ZBTB8A: variants seen among roughly 807,000 people sequenced by gnomAD.
ZBTB8A encodes the protein zinc finger and BTB domain-containing protein 8A.
Under a neutral mutation model 37.8 loss-of-function variants are expected in ZBTB8A, and 19 were observed. That is an observed-to-expected ratio of 0.50 (90% CI 0.35 to 0.74). The LOEUF is 0.74. Ranked by LOEUF, ZBTB8A falls within the 30% of genes least tolerant of loss-of-function variation. ZBTB8A has a pLI of 0.01. For missense variants in ZBTB8A, 394 were observed against 537.8 expected (o/e 0.73, Z 2.65); for synonymous variants, 181 against 185.2 (o/e 0.98, Z 0.19).
chr1:32,591,424 G>T (rs1165450835), intron 2 of ZBTB8A, among the ~76,000 whole-genome samples: 2 of 151,912 alleles, frequency 1.3e-5, no homozygotes, highest in Non-Finnish European at 2.9e-5. Flanking sequence ...TTGCTATGTT[G>T]AACAGGCTGG....
chr1:32,587,478 A>G (rs1165898781), intron 2 of ZBTB8A, among the ~76,000 whole-genome samples: 1 of 150,472 alleles, frequency 6.6e-6, no homozygotes, highest in Non-Finnish European at 1.5e-5. Flanking sequence ...ATGGTTTTGC[A>G]CATGTTAAGA....
intron 2 of ZBTB8A, 133 bp from the exon 3 acceptor site, chr1:32,592,796 CTG>C (rs1261736680): frequency 4.2e-6 from 3 of 718,964 alleles, no homozygotes; most frequent in East Asian, 2.7e-5. Context: ...GAGTGAGCCA[CTG>C]TGCCCAGCCA....
At chr1:32,568,096 C>T (rs1386778414) in intron 2 of ZBTB8A, among the ~76,000 whole-genome samples, 2 of 151,802 alleles carry the variant, frequency 1.3e-5, no homozygotes, top group African/African-American at 4.8e-5. Context: ...TTGTAGTGAG[C>T]GGAGATCATG....
chr1:32,563,459 C>CTTTCTTTTT (rs944868184), intron 2 of ZBTB8A, among the ~76,000 whole-genome samples: 6 of 152,006 alleles, frequency 3.9e-5, no homozygotes, highest in Non-Finnish European at 1.5e-5. Flanking sequence ...TTTTCTTTTT[C>CTTTCTTTTT]TTTCTTTTTT....
Position 32,602,692 on chromosome 1 carries a change from C to A in ZBTB8A, c.*2273C>A, listed in dbSNP as rs1644586422. On this transcript the variant is annotated 3_prime_UTR_variant, in exon 5 of 5. Transcript: ENST00000373510. Reference sequence around the variant, plus strand: ...CAGCCTCCCGAGTAGCTGGGACTTACAGGCGCCCACCACCACTCCCAGCTA... The same window carrying A: ...CAGCCTCCCGAGTAGCTGGGACTTAAAGGCGCCCACCACCACTCCCAGCTA... The A allele has an allele frequency of 1.3e-5, 2 of 151,864 alleles. No homozygotes were observed. The highest frequency in any genetic ancestry group is 1.3e-4 in the Admixed American group (2 of 15,234). The allele number at this position is 151,864 out of a possible 1,614,324, so 9.4% of individuals were successfully genotyped here.
At position 32,539,506 on chromosome 1, in the gene ZBTB8A, C is replaced by T. The variant is rs1405346203; in HGVS notation, c.-150C>T. On this transcript the variant is annotated 5_prime_UTR_variant, in exon 1 of 5. Coordinates refer to ENST00000373510, the MANE Select transcript of ZBTB8A (RefSeq NM_001040441.3). ...GAACGGCCTCGAAAGGGGGTCCTTCCCCAGCCGAGAACCAGGAATCTTCCC... is the reference window on the plus strand; with the variant it reads ...GAACGGCCTCGAAAGGGGGTCCTTCTCCAGCCGAGAACCAGGAATCTTCCC... 4 of 152,114 alleles carry T rather than the reference C, an allele frequency of 2.6e-5. No individual in the cohort carries two copies. The highest frequency in any genetic ancestry group is 4.4e-5 in the Non-Finnish European group (3 of 67,878). The allele number at this position is 152,114 out of a possible 1,614,324, so 9.4% of individuals were successfully genotyped here. A position where few individuals can be genotyped will look rare whatever the true frequency, so the allele number is the denominator to read the frequency against.
chr1:32,542,799 A>AT (rs2148209391), intron 1 of ZBTB8A, among the ~76,000 whole-genome samples: 2 of 152,324 alleles, frequency 1.3e-5, no homozygotes, highest in African/African-American at 4.8e-5. Flanking sequence ...CTATTATAAT[A>AT]TTTAACTCTT....
intron 2 of ZBTB8A, among the ~76,000 whole-genome samples, chr1:32,583,956 C>T (rs143449825): frequency 0.013 from 2,003 of 152,196 alleles, 22 homozygotes; most frequent in Middle Eastern, 0.027. Flanking sequence ...GTTGAGCTTA[C>T]CATGGTGACC....
At chr1:32,569,386 CTTTTTT>C (rs563715372) in intron 2 of ZBTB8A, among the ~76,000 whole-genome samples, 6 of 82,306 alleles carry the variant, frequency 7.3e-5, no homozygotes, top group Admixed American at 1.6e-4. Context: ...TTTTCCTTTC[CTTTTTT>C]TTTTTTTTTT....
chr1:32,551,851 G>T (rs979567804), intron 1 of ZBTB8A, among the ~76,000 whole-genome samples: 1 of 152,102 alleles, frequency 6.6e-6, no homozygotes, highest in Non-Finnish European at 1.5e-5. Context: ...GGGATTACAG[G>T]CATGAGCCAC....
chr1:32,575,380 C>A (rs912629612), intron 2 of ZBTB8A, among the ~76,000 whole-genome samples: 1 of 151,696 alleles, frequency 6.6e-6, no homozygotes, highest in Non-Finnish European at 1.5e-5. Context: ...GTGCTTGCCA[C>A]CACACCTGGC....
At chr1:32,597,638 A>G (rs1466373202) in intron 4 of ZBTB8A, among the ~76,000 whole-genome samples, 1 of 152,180 alleles carries the variant, frequency 6.6e-6, no homozygotes, top group Non-Finnish European at 1.5e-5. Context: ...TTTCTTTTAC[A>G]CTATTTCAGT....
At chr1:32,565,513 G>A (rs1312631374) in intron 2 of ZBTB8A, among the ~76,000 whole-genome samples, 1 of 151,770 alleles carries the variant, frequency 6.6e-6, no homozygotes, top group Non-Finnish European at 1.5e-5. Flanking sequence ...AAATTAGCTG[G>A]GCGTGGTGGC....
intron 2 of ZBTB8A, among the ~76,000 whole-genome samples, chr1:32,582,340 C>T (rs1459620666): frequency 1.3e-5 from 2 of 152,076 alleles, no homozygotes; most frequent in Non-Finnish European, 2.9e-5. Flanking sequence ...TGGTCCCAAG[C>T]ATTTTGGATA....
chr1:32,541,793 A>G (rs1033240219), intron 1 of ZBTB8A, among the ~76,000 whole-genome samples: 5 of 152,120 alleles, frequency 3.3e-5, no homozygotes, highest in African/African-American at 1.2e-4. Context: ...CACTAATTCC[A>G]TCCATGAGGG....
intron 2 of ZBTB8A, among the ~76,000 whole-genome samples, chr1:32,562,989 T>G (rs1414805542): frequency 6.6e-6 from 1 of 152,218 alleles, no homozygotes; most frequent in Non-Finnish European, 1.5e-5. Context: ...AGTTATATAC[T>G]GCATTTGGGA....
chr1:32,543,474 T>C (rs953486763), intron 1 of ZBTB8A, among the ~76,000 whole-genome samples: 1 of 152,160 alleles, frequency 6.6e-6, no homozygotes, highest in African/African-American at 2.4e-5. Flanking sequence ...GCAACCATCA[T>C]GACCCTCTTA....
chr1:32,552,153 C>T (rs1395500565), intron 1 of ZBTB8A, among the ~76,000 whole-genome samples: 1 of 151,724 alleles, frequency 6.6e-6, no homozygotes, highest in African/African-American at 2.4e-5. Context: ...CGCTTGAGCC[C>T]GGGAGTTTGA....
At chr1:32,552,146 T>C (rs144557171) in intron 1 of ZBTB8A, among the ~76,000 whole-genome samples, 73 of 152,142 alleles carry the variant, frequency 4.8e-4, no homozygotes, top group African/African-American at 1.5e-3. Flanking sequence ...GGGGGATCGC[T>C]TGAGCCCGGG....
Sources: gnomAD v4.1 joint callset for allele counts (sites outside exome capture counted in the v4.1 genomes callset) on GRCh38, gnomAD v4.1.1 for gene constraint, MANE v1.5 for transcripts, NCBI Gene and HGNC (gene_info 2026-07-23, HGNC 2026-07-21) for gene names.